UQCC1: variants seen among roughly 807,000 people sequenced by gnomAD.
UQCC1 encodes ubiquinol-cytochrome c reductase complex assembly factor 1.
In UQCC1, 38 loss-of-function variants were observed where a neutral mutation model predicts 48.0. That is an observed-to-expected ratio of 0.79 (90% CI 0.61 to 1.04). UQCC1 has a LOEUF of 1.04. Among genes scored for constraint, UQCC1 ranks in the 50% least tolerant of loss-of-function variants. UQCC1 has a pLI of 0.00. For missense variants in UQCC1, 368 were observed against 381.8 expected (o/e 0.96, Z 0.30); for synonymous variants, 111 against 129.2 (o/e 0.86, Z 0.95).
chr20:35,382,834 T>C (rs989353466), intron 3 of UQCC1, among the ~76,000 whole-genome samples: 2 of 152,094 alleles, frequency 1.3e-5, no homozygotes, highest in Admixed American at 6.5e-5. Context: ...TTAAGCATCT[T>C]ATCATTCAGT....
At chr20:35,361,403 T>C (rs2061603686) in intron 6 of UQCC1, among the ~76,000 whole-genome samples, 2 of 152,050 alleles carry the variant, frequency 1.3e-5, no homozygotes. Context: ...CATAGCCTTG[T>C]CACATCCTCT....
At chr20:35,410,704 C>CAAAAAAA (rs1183843739) in intron 1 of UQCC1, among the ~76,000 whole-genome samples, 168 of 2,706 alleles carry the variant, frequency 0.062, 58 homozygotes, top group Non-Finnish European at 0.096. Context: ...GACTCTGCCT[C>CAAAAAAA]AAAAAAAAAA....
intron 1 of UQCC1, among the ~76,000 whole-genome samples, chr20:35,411,677 T>C (rs1726274688): frequency 1.3e-5 from 2 of 152,034 alleles, no homozygotes; most frequent in African/African-American, 4.8e-5. Flanking sequence ...AGCAGGTACA[T>C]GGGGGAGGGA....
At chr20:35,352,803 A>G (rs1299299079) in intron 6 of UQCC1, among the ~76,000 whole-genome samples, 1 of 152,118 alleles carries the variant, frequency 6.6e-6, no homozygotes, top group African/African-American at 2.4e-5. Flanking sequence ...CTGCCTCGGC[A>G]TCCTAAGTAG....
intron 7 of UQCC1, among the ~76,000 whole-genome samples, chr20:35,332,774 G>C (rs1010871201): frequency 1.3e-5 from 2 of 152,242 alleles, no homozygotes; most frequent in Non-Finnish European, 2.9e-5. Context: ...ACAGATGCGA[G>C]AAAGAGAATG....
At chr20:35,371,010 T>C (rs2061723647) in intron 5 of UQCC1, among the ~76,000 whole-genome samples, 1 of 152,180 alleles carries the variant, frequency 6.6e-6, no homozygotes, top group African/African-American at 2.4e-5. Flanking sequence ...AAGCCCTTCC[T>C]AGCCCACAAT....
intron 1 of UQCC1, among the ~76,000 whole-genome samples, chr20:35,403,092 T>C (rs1268422969): frequency 6.6e-6 from 1 of 151,224 alleles, no homozygotes; most frequent in Admixed American, 6.6e-5. Context: ...AAATTACCTA[T>C]ACACTGCCTC....
At chr20:35,347,445 T>A (rs193029919) in intron 6 of UQCC1, among the ~76,000 whole-genome samples, 173 bp from the exon 7 acceptor site, 4 of 152,164 alleles carry the variant, frequency 2.6e-5, no homozygotes, top group Admixed American at 2.6e-4. Context: ...TACTATTAAG[T>A]GTATAAATCT....
chr20:35,304,051 T>A lies in UQCC1; in HGVS notation c.784A>T (p.Met262Leu). 1.9e-6 allele frequency: 3 copies of A among 1,614,070 alleles called. No homozygotes were observed. The highest frequency in any genetic ancestry group is 2.5e-6 in the Non-Finnish European group (3 of 1,179,984). The part of the protein sequence containing the change: ...VRKQIQYLDS[M>L]NGEDLLLTGE... The stretch of plus-strand genomic sequence containing the variant: ...GTCAGAAGCAGATCCTCCCCGTTCA[T>A]GGAGTCCAGGTACTGTATCTGCAAC... The change falls in exon 10 of 10, where the codon ATG becomes TTG. Residue 262 changes from methionine (M) to leucine (L), a missense_variant. Met to Leu is a conservative substitution (Grantham distance 15). Coordinates refer to ENST00000374385, the MANE Select transcript of UQCC1 (RefSeq NM_018244.5).
intron 8 of UQCC1, among the ~76,000 whole-genome samples, chr20:35,312,678 A>G (rs2061007504): frequency 1.3e-5 from 2 of 152,238 alleles, no homozygotes; most frequent in Non-Finnish European, 2.9e-5. Flanking sequence ...AGTTTAAAAT[A>G]TCAGGTGTTC....
At chr20:35,376,635 G>T (rs893291201) in intron 4 of UQCC1, among the ~76,000 whole-genome samples, 3 of 151,956 alleles carry the variant, frequency 2.0e-5, no homozygotes, top group Admixed American at 2.0e-4. Flanking sequence ...GACCCAGATA[G>T]CATCACTAGA....
chr20:35,359,417 C>CT (rs1378515953), intron 6 of UQCC1, among the ~76,000 whole-genome samples: 1 of 152,220 alleles, frequency 6.6e-6, no homozygotes, highest in Non-Finnish European at 1.5e-5. Flanking sequence ...GGCAACAACA[C>CT]TGTCTGTAGA....
intron 8 of UQCC1, chr20:35,309,126 A>G: frequency 2.2e-6 from 1 of 456,240 alleles, no homozygotes; most frequent in South Asian, 1.5e-5. Context: ...GACCCACTCT[A>G]GTCAGAATAC....
rs148756094 is a variant in UQCC1 at position 35,390,653 on chromosome 20, A to G, written c.129+3439T>C. On this transcript the variant is annotated intron_variant, in intron 2 of 9. Coordinates refer to ENST00000374385, the MANE Select transcript of UQCC1 (RefSeq NM_018244.5). ...CCACCAATGACTGCTAAAATTAGTA[A>G]GCAAAAGTATAATGTGAAATGGGTA... Among the ~76,000 whole-genome samples the G allele has an allele frequency of 2.2e-3, 340 of 152,246 alleles. 1 individual carries two copies. Among genetic ancestry groups the G allele is most frequent in the African/African-American group, 7.9e-3 (328 of 41,548 alleles).
intron 8 of UQCC1, among the ~76,000 whole-genome samples, chr20:35,310,358 G>A (rs1056533394): frequency 3.9e-5 from 6 of 152,046 alleles, no homozygotes; most frequent in African/African-American, 1.4e-4. Context: ...AGAATTGGGA[G>A]GATTTAGCGG....
chr20:35,406,413 C>T (rs1473801453), intron 1 of UQCC1, among the ~76,000 whole-genome samples: 1 of 152,174 alleles, frequency 6.6e-6, no homozygotes, highest in African/African-American at 2.4e-5. Context: ...GATTTCTTCT[C>T]AGAAACTGTA....
In UQCC1 at chr20:35,390,513, A is replaced by T. The variant is rs893556711; in HGVS notation, c.129+3579T>A. Among the ~76,000 whole-genome samples, 4 of 152,126 alleles carry T rather than the reference A, an allele frequency of 2.6e-5. No homozygotes were observed. The East Asian group carries it at 7.7e-4, about 29-fold the overall frequency. The stretch of plus-strand genomic sequence containing the variant: ...AGCATAGAGTTTTGCAAGATGAAAA[A>T]GTTTATAGAGATCTGTTGCAAAACA... On this transcript the variant is annotated intron_variant, in intron 2 of 9. Transcript: ENST00000374385.
intron 1 of UQCC1, among the ~76,000 whole-genome samples, chr20:35,397,237 C>T (rs969738741): frequency 2.7e-5 from 4 of 150,208 alleles, no homozygotes; most frequent in African/African-American, 4.9e-5. Flanking sequence ...AAAATCAGGC[C>T]GGGCGCGGTA....
chr20:35,381,670 C>T (rs1161965909), intron 4 of UQCC1, among the ~76,000 whole-genome samples: 1 of 152,138 alleles, frequency 6.6e-6, no homozygotes. Flanking sequence ...CCTCTTCAAC[C>T]AAGAACACAG....
Sources: gnomAD v4.1 joint callset for allele counts (sites outside exome capture counted in the v4.1 genomes callset) on GRCh38, gnomAD v4.1.1 for gene constraint, MANE v1.5 for transcripts, NCBI Gene and HGNC (gene_info 2026-07-23, HGNC 2026-07-21) for gene names.